Variants in UTRN observed in about 807,000 individuals in gnomAD.
UTRN encodes the protein utrophin, also known as dystrophin-related protein 1.
A neutral mutation model predicts 463.9 loss-of-function variants in UTRN; 283 were observed. The ratio of observed to expected loss-of-function variants is 0.61; its 90% confidence interval spans 0.55 to 0.67. UTRN has a LOEUF of 0.67. Ranked by LOEUF, UTRN falls within the 30% of genes least tolerant of loss-of-function variation. The pLI is 0.00. For missense variants in UTRN, 3,922 were observed against 4,084.3 expected, an observed-to-expected ratio of 0.96 and a Z score of 1.08; for synonymous variants, 1,442 against 1,431.5, an observed-to-expected ratio of 1.01 and a Z score of -0.17.
intron 26 of UTRN, among the ~76,000 whole-genome samples, chr6:144,481,967 G>A (rs970442431): frequency 6.6e-6 from 1 of 152,206 alleles, no homozygotes; most frequent in Non-Finnish European, 1.5e-5. Context: ...GCTGAGGCAG[G>A]AGAATTTCTT....
At chr6:144,498,405 CAAT>C (rs763357716) in intron 33 of UTRN, among the ~76,000 whole-genome samples, 21 of 152,296 alleles carry the variant, frequency 1.4e-4, no homozygotes, top group Non-Finnish European at 2.1e-4. Flanking sequence ...CTGTCAACAA[CAAT>C]GAGAGCAAAA....
At chr6:144,684,648 C>T (rs1174397253) in intron 52 of UTRN, among the ~76,000 whole-genome samples, 1 of 152,052 alleles carries the variant, frequency 6.6e-6, no homozygotes, top group Admixed American at 6.5e-5. Flanking sequence ...AATTGGTTTT[C>T]CCCTATTAGT....
intron 72 of UTRN, 106 bp from the exon 73 acceptor site, chr6:144,840,634 T>TTA: frequency 3.2e-6 from 4 of 1,233,628 alleles, no homozygotes; most frequent in East Asian, 2.4e-5. Flanking sequence ...CTTTTCACAT[T>TTA]GATATTTAGA....
rs1156481269 is a variant in UTRN, at chr6:144,781,351, G to A, written c.8633-571G>A. On this transcript the variant is annotated intron_variant, in intron 60 of 74. Transcript: ENST00000367545. ...CCAGTTTGTGACAATCTTATAGATC[G>A]GGCTTGATTCAGCAGGCAGTGGAGA... Among the ~76,000 whole-genome samples the A allele has an allele frequency of 2.0e-5, 3 of 152,146 alleles. No homozygotes were observed. In the East Asian group the frequency reaches 5.8e-4, roughly 29 times the overall value.
intron 17 of UTRN, among the ~76,000 whole-genome samples, chr6:144,450,531 G>A (rs1057276551): frequency 2.0e-4 from 31 of 152,202 alleles, no homozygotes; most frequent in African/African-American, 7.2e-4. Context: ...CCTGGAATTA[G>A]CACCTAGCAA....
At chr6:144,596,554 A>C (rs1291456454) in intron 51 of UTRN, among the ~76,000 whole-genome samples, 5 of 152,228 alleles carry the variant, frequency 3.3e-5, no homozygotes, top group Admixed American at 1.3e-4. Context: ...CTGTACTACC[A>C]AAGTGTATTT....
At chr6:144,782,964 G>A (rs200269394) in intron 61 of UTRN, among the ~76,000 whole-genome samples, 2 of 151,426 alleles carry the variant, frequency 1.3e-5, no homozygotes, top group East Asian at 3.9e-4. Flanking sequence ...GGGTGGCCGA[G>A]GTGGGTGGAT....
rs781752858 is a variant in UTRN, at chr6:144,748,334, T to C, written c.8028T>C (p.Asn2676=). ...TCAAAGAAAAATGGGAAAGTCTAAA[T>C]GCTGTAACTAGCAATTGGCAAAAGC... The part of the protein sequence containing the change: ...SEVKEKWESL[N]AVTSNWQKQV... The change falls in exon 55 of 75, where the codon AAT becomes AAC. Residue 2676 remains asparagine (N), a synonymous_variant. Transcript: ENST00000367545. 1.2e-6 allele frequency: 2 copies of C among 1,613,706 alleles called. No individual in the cohort carries two copies. Among genetic ancestry groups the C allele is most frequent in the South Asian group, 2.2e-5 (2 of 91,074 alleles).
chr6:144,718,932 A>G (rs1786798616), intron 53 of UTRN, among the ~76,000 whole-genome samples: 2 of 152,194 alleles, frequency 1.3e-5, no homozygotes. Context: ...TGAAGGGTCA[A>G]AAGGGGTGAG....
intron 2 of UTRN, among the ~76,000 whole-genome samples, chr6:144,375,858 G>A (rs1443298269): frequency 1.3e-5 from 2 of 152,156 alleles, no homozygotes; most frequent in African/African-American, 4.8e-5. Flanking sequence ...CACTCTTCTG[G>A]TCTAGTGCAC....
intron 53 of UTRN, among the ~76,000 whole-genome samples, chr6:144,720,367 A>G (rs545463668): frequency 6.6e-6 from 1 of 152,354 alleles, no homozygotes; most frequent in East Asian, 1.9e-4. Flanking sequence ...ATAGACATTT[A>G]AAGTTGAATA....
At chr6:144,776,406 G>A (rs2128735703) in intron 60 of UTRN, among the ~76,000 whole-genome samples, 1 of 152,290 alleles carries the variant, frequency 6.6e-6, no homozygotes, top group East Asian at 1.9e-4. Flanking sequence ...GGTCATGGCT[G>A]TCTCTCATTA....
chr6:144,646,774 T>C (rs565908105), intron 51 of UTRN, among the ~76,000 whole-genome samples: 1 of 152,310 alleles, frequency 6.6e-6, no homozygotes, highest in African/African-American at 2.4e-5. Context: ...GATTACTTTA[T>C]GTAGACAACT....
At chr6:144,780,667 G>A (rs112536123) in intron 60 of UTRN, among the ~76,000 whole-genome samples, 4,261 of 152,202 alleles carry the variant, frequency 0.028, 112 homozygotes, top group African/African-American at 0.074. Flanking sequence ...AAAATTTGTC[G>A]TTTTCATCTA....
intron 53 of UTRN, among the ~76,000 whole-genome samples, chr6:144,710,494 T>C (rs1785563732): frequency 6.6e-6 from 1 of 152,212 alleles, no homozygotes; most frequent in Non-Finnish European, 1.5e-5. Context: ...CAGGCACTGC[T>C]ATTATGAAAC....
intron 32 of UTRN, among the ~76,000 whole-genome samples, chr6:144,492,903 C>T (rs571276785): frequency 5.9e-5 from 9 of 152,270 alleles, no homozygotes; most frequent in African/African-American, 2.2e-4. Flanking sequence ...CAACAGACAG[C>T]AGTAGCCAGT....
In UTRN at chr6:144,557,429, G is replaced by GTATTT. The variant is rs3061850; in HGVS notation, c.7289+120_7289+124dup. On this transcript the variant is annotated intron_variant, in intron 50 of 74. Transcript: ENST00000367545. ...TACTACAAGTACATTTTATTATTAT[G>GTATTT]TATTTTTATACTGTGATGTTCTGAG... The GTATTT allele has an allele frequency of 0.44, 428,490 of 973,894 alleles. 107,790 individuals are homozygous for GTATTT. Among genetic ancestry groups the GTATTT allele is most frequent in the East Asian group, 0.85 (30,683 of 36,022 alleles). 60.3% of individuals were successfully genotyped at this position (973,894 alleles called of 1,614,324 possible).
At chr6:144,598,985 G>T (rs1803952052) in intron 51 of UTRN, among the ~76,000 whole-genome samples, 1 of 152,132 alleles carries the variant, frequency 6.6e-6, no homozygotes, top group Non-Finnish European at 1.5e-5. Context: ...ATTTTAAAAT[G>T]TATTTATTTA....
chr6:144,496,184 C>A (rs1793626613), intron 33 of UTRN, among the ~76,000 whole-genome samples: 1 of 152,140 alleles, frequency 6.6e-6, no homozygotes, highest in African/African-American at 2.4e-5. Context: ...ATATTGAAAA[C>A]CCATGTTTGA....
Sources: allele counts gnomAD v4.1 joint callset (sites outside exome capture counted in the v4.1 genomes callset), GRCh38; gene constraint gnomAD v4.1.1; transcripts MANE v1.5; gene names NCBI Gene and HGNC (gene_info 2026-07-23, HGNC 2026-07-21).